Variants in NETO1 observed in about 807,000 individuals in gnomAD.
NETO1 encodes neuropilin and tolloid like 1.
Under a neutral mutation model 61.3 loss-of-function variants are expected in NETO1, and 26 were observed. The observed-to-expected ratio is 0.42, with a 90% confidence interval of 0.31 to 0.59. The LOEUF is 0.59. Ranked by LOEUF, NETO1 falls within the 20% of genes least tolerant of loss-of-function variation. The pLI is 0.12. For missense variants in NETO1, 531 were observed against 662.8 expected (o/e 0.80, Z 2.18); for synonymous variants, 225 against 225.8 (o/e 1.00, Z 0.03).
chr18:72,846,224 G>A (rs570217195), intron 4 of NETO1, among the ~76,000 whole-genome samples: 1 of 151,826 alleles, frequency 6.6e-6, no homozygotes, highest in African/African-American at 2.4e-5. Context: ...AAGAGATGCG[G>A]CCAGGCGCTG....
At chr18:72,757,386 C>T (rs938184069) in intron 7 of NETO1, among the ~76,000 whole-genome samples, 4 of 116,654 alleles carry the variant, frequency 3.4e-5, no homozygotes, top group Non-Finnish European at 5.5e-5. Context: ...TTTAATACTC[C>T]GAGAGAAATC....
At chr18:72,749,203 T>A (rs988740820) in intron 9 of NETO1, 115 bp from the exon 10 acceptor site, 1 of 712,906 alleles carries the variant, frequency 1.4e-6, no homozygotes, top group Non-Finnish European at 2.5e-6. Context: ...AATAGACTTA[T>A]GTCAGCATGC....
chr18:72,840,098 T>A (rs76446973), intron 4 of NETO1, among the ~76,000 whole-genome samples: 1,984 of 152,332 alleles, frequency 0.013, 52 homozygotes, highest in African/African-American at 0.045. Context: ...TCTTTGTGAA[T>A]CCTCATTTAA....
intron 4 of NETO1, among the ~76,000 whole-genome samples, chr18:72,815,247 C>A (rs2072996197): frequency 6.6e-6 from 1 of 151,988 alleles, no homozygotes; most frequent in Non-Finnish European, 1.5e-5. Context: ...AAAAAAGAAT[C>A]GCTTTATGAT....
At chr18:72,843,220 T>C (rs1220682806) in intron 4 of NETO1, among the ~76,000 whole-genome samples, 2 of 152,240 alleles carry the variant, frequency 1.3e-5, no homozygotes, top group East Asian at 3.8e-4. Context: ...CAACGGTCAT[T>C]AATATTGTTA....
chr18:72,816,538 G>C (rs1332630880), intron 4 of NETO1, among the ~76,000 whole-genome samples: 2 of 152,160 alleles, frequency 1.3e-5, no homozygotes, highest in Admixed American at 6.5e-5. Context: ...AAGGGAGGAA[G>C]GGTAAATCAG....
intron 4 of NETO1, among the ~76,000 whole-genome samples, chr18:72,837,478 T>C (rs759573369): frequency 6.6e-5 from 10 of 152,216 alleles, no homozygotes; most frequent in Non-Finnish European, 1.3e-4. Context: ...TTGATTTTCA[T>C]AGGACGAACT....
chr18:72,783,744 G>A lies in NETO1; in HGVS notation c.802C>T (p.Arg268Cys), dbSNP rs1204319408. 3 of 1,613,974 alleles carry A rather than the reference G, an allele frequency of 1.9e-6. No homozygotes were observed. Among genetic ancestry groups the A allele is most frequent in the East Asian group, 2.2e-5 (1 of 44,890 alleles). Reference sequence around the variant, plus strand: ...CGACTGCCCTCATCTGCCCACATGCGGATCACCCCAAGACCCGTGCGTAGC... The same window carrying A: ...CGACTGCCCTCATCTGCCCACATGCAGATCACCCCAAGACCCGTGCGTAGC... Reference protein sequence around the residue: ...VMLRTGLGVIRMWADEGSRNS... With the variant: ...VMLRTGLGVICMWADEGSRNS... Residue 268 changes from arginine to cysteine, a missense_variant, in exon 7 of 11, where the codon CGC becomes TGC. Arg to Cys is a radical substitution (Grantham distance 180, BLOSUM62 -3). Transcript: ENST00000327305.
At chr18:72,809,463 C>G (rs375481054) in intron 4 of NETO1, among the ~76,000 whole-genome samples, 12 of 152,006 alleles carry the variant, frequency 7.9e-5, no homozygotes, top group African/African-American at 2.7e-4. Context: ...AAAATATCAA[C>G]CAGGCTTGGT....
intron 4 of NETO1, among the ~76,000 whole-genome samples, chr18:72,846,504 C>CA (rs35252443): frequency 0.093 from 1,206 of 12,942 alleles, 413 homozygotes; most frequent in African/African-American, 0.2. Flanking sequence ...GACTTCATCT[C>CA]AAAAAAAAAA....
chr18:72,773,874 CCA>C (rs1398187887), intron 7 of NETO1, among the ~76,000 whole-genome samples: 1 of 152,038 alleles, frequency 6.6e-6, no homozygotes, highest in Non-Finnish European at 1.5e-5. Context: ...AATCTGCCTT[CCA>C]CAGAGTATTT....
At chr18:72,804,791 C>T (rs2072620808) in intron 4 of NETO1, among the ~76,000 whole-genome samples, 1 of 152,158 alleles carries the variant, frequency 6.6e-6, no homozygotes, top group South Asian at 2.1e-4. Context: ...TTTCAACGCA[C>T]AGCTCGACTA....
intron 4 of NETO1, among the ~76,000 whole-genome samples, chr18:72,818,007 T>C (rs903978797): frequency 3.3e-5 from 5 of 152,190 alleles, no homozygotes; most frequent in Admixed American, 6.5e-5. Flanking sequence ...CTTGAGATGA[T>C]TGCAACTCGG....
chr18:72,785,385 T>C (rs1352589025), intron 6 of NETO1, among the ~76,000 whole-genome samples: 1 of 152,202 alleles, frequency 6.6e-6, no homozygotes, highest in Non-Finnish European at 1.5e-5. Context: ...TTGTTTTCCA[T>C]GTCCATTCAC....
chr18:72,768,960 T>C (rs2071254253), intron 7 of NETO1, among the ~76,000 whole-genome samples: 1 of 152,234 alleles, frequency 6.6e-6, no homozygotes, highest in African/African-American at 2.4e-5. Context: ...AAATGCCAAG[T>C]AGCAGATTTC....
chr18:72,860,441 T>G (rs1314297830), intron 3 of NETO1, among the ~76,000 whole-genome samples: 2 of 152,210 alleles, frequency 1.3e-5, no homozygotes, highest in Non-Finnish European at 2.9e-5. Context: ...TATGTAAGAT[T>G]GAGACACACA....
At position 72,859,094 on chromosome 18, in the gene NETO1, T is replaced by G. The variant is rs565210671; in HGVS notation, c.221-20A>C. The G allele has an allele frequency of 1.3e-6, 2 of 1,572,078 alleles. No individual in the cohort carries two copies. Among genetic ancestry groups the G allele is most frequent in the African/African-American group, 1.4e-5 (1 of 73,038 alleles). ...GAGCGGCTGTAAAGAAGAAAGATTG[T>G]GTCTAGGAGGTCATTTCTTACATCT... On this transcript the variant is annotated intron_variant, in intron 3 of 10. Coordinates refer to ENST00000327305, the MANE Select transcript of NETO1 (RefSeq NM_138966.5).
chr18:72,825,285 G>T (rs1269012384), intron 4 of NETO1, among the ~76,000 whole-genome samples: 3 of 152,082 alleles, frequency 2.0e-5, no homozygotes, highest in South Asian at 2.1e-4. Context: ...AGCTGATGCT[G>T]GTTTTCTATG....
At chr18:72,767,106 T>G (rs757876058) in intron 7 of NETO1, among the ~76,000 whole-genome samples, 11 of 152,236 alleles carry the variant, frequency 7.2e-5, no homozygotes, top group Non-Finnish European at 1.5e-4. Context: ...ATACTTGCTC[T>G]CATTGAACAT....
Sources: gnomAD v4.1 joint callset for allele counts (sites outside exome capture counted in the v4.1 genomes callset) on GRCh38, gnomAD v4.1.1 for gene constraint, MANE v1.5 for transcripts, NCBI Gene and HGNC (gene_info 2026-07-23, HGNC 2026-07-21) for gene names.